Variants in SAMTOR observed in about 807,000 individuals in gnomAD.
The protein encoded by SAMTOR is S-adenosylmethionine sensor upstream of mTORC1.
chr7:112,843,977 T>C, the SAMTOR span, among the ~76,000 whole-genome samples: 4 of 152,028 alleles, frequency 2.6e-5, no homozygotes, highest in African/African-American at 9.7e-5. Flanking sequence ...GTTCAACATA[T>C]GCAAATCAAT....
chr7:112,900,484 G>A, the SAMTOR span, among the ~76,000 whole-genome samples: 4 of 152,128 alleles, frequency 2.6e-5, no homozygotes, highest in Non-Finnish European at 4.4e-5. Context: ...AAACACCCTC[G>A]CAGACACACC....
At chr7:112,891,080 C>T in the SAMTOR span, among the ~76,000 whole-genome samples, 1 of 151,780 alleles carries the variant, frequency 6.6e-6, no homozygotes, top group African/African-American at 2.4e-5. Flanking sequence ...GGAATCTCAA[C>T]AATATAACAG....
chr7:112,836,686 G>C, the SAMTOR span, among the ~76,000 whole-genome samples: 1 of 151,762 alleles, frequency 6.6e-6, no homozygotes, highest in Non-Finnish European at 1.5e-5. Context: ...TCTGCATATG[G>C]CTAGTTATCC....
At chr7:112,830,390 T>C in the SAMTOR span, among the ~76,000 whole-genome samples, 4 of 152,316 alleles carry the variant, frequency 2.6e-5, no homozygotes, top group African/African-American at 7.2e-5. Flanking sequence ...ACTGTGAAAC[T>C]CTGATTCTAC....
At chr7:112,824,061 C>CTTTA in the SAMTOR span, among the ~76,000 whole-genome samples, 58,763 of 151,574 alleles carry the variant, frequency 0.39, 13,551 homozygotes, top group African/African-American at 0.65. Flanking sequence ...TTTGAGAGTT[C>CTTTA]TTTATTCTTG....
chr7:112,939,504 G>A, the SAMTOR span: 2 of 1,591,942 alleles, frequency 1.3e-6, no homozygotes, highest in Non-Finnish European at 1.7e-6. Flanking sequence ...ACATTTTAAT[G>A]GTGGCCTCTT....
chr7:112,926,864 ATATATT>A, the SAMTOR span, among the ~76,000 whole-genome samples: 1 of 152,132 alleles, frequency 6.6e-6, no homozygotes, highest in Non-Finnish European at 1.5e-5. Flanking sequence ...CTTTTATTTC[ATATATT>A]TATAAAATAA....
the SAMTOR span, among the ~76,000 whole-genome samples, chr7:112,837,402 T>C: frequency 0.011 from 1,738 of 152,072 alleles, 34 homozygotes; most frequent in African/African-American, 0.039. Context: ...TGGACTTCTC[T>C]GCTTCTATTT....
At chr7:112,874,643 C>T in the SAMTOR span, among the ~76,000 whole-genome samples, 16 of 152,158 alleles carry the variant, frequency 1.1e-4, no homozygotes, top group South Asian at 3.3e-3. Context: ...AATAAAGCAA[C>T]CAAGAGTAAT....
the SAMTOR span, chr7:112,821,962 A>G: frequency 6.2e-7 from 1 of 1,613,288 alleles, no homozygotes; most frequent in South Asian, 1.1e-5. Flanking sequence ...ATTCCTGGGT[A>G]GTTCCTACTA....
At chr7:112,919,277 A>G in the SAMTOR span, among the ~76,000 whole-genome samples, 3 of 152,212 alleles carry the variant, frequency 2.0e-5, no homozygotes, top group African/African-American at 7.2e-5. Flanking sequence ...TCAAACTAGA[A>G]CTCAGGATTA....
chr7:112,849,046 C>CT, the SAMTOR span, among the ~76,000 whole-genome samples: 12 of 110,992 alleles, frequency 1.1e-4, no homozygotes, highest in African/African-American at 6.0e-4. Context: ...AAGACTCCAT[C>CT]TAAAAAAAAA....
At chr7:112,852,083 TC>T in the SAMTOR span, among the ~76,000 whole-genome samples, 4 of 152,150 alleles carry the variant, frequency 2.6e-5, no homozygotes, top group Non-Finnish European at 5.9e-5. Context: ...TAACTACCAT[TC>T]AATCTAGCAA....
the SAMTOR span, among the ~76,000 whole-genome samples, chr7:112,935,948 T>G: frequency 3.9e-5 from 6 of 152,218 alleles, no homozygotes; most frequent in Admixed American, 2.6e-4. Context: ...AGTTCTTGAT[T>G]TGATACATAT....
chr7:112,918,241 C>T, the SAMTOR span, among the ~76,000 whole-genome samples: 5 of 152,140 alleles, frequency 3.3e-5, no homozygotes, highest in Non-Finnish European at 5.9e-5. Context: ...AGACTAACAG[C>T]GGATCTCTCG....
chr7:112,827,631 T>C, the SAMTOR span, among the ~76,000 whole-genome samples: 1 of 152,244 alleles, frequency 6.6e-6, no homozygotes, highest in African/African-American at 2.4e-5. Flanking sequence ...TCCTCCCATA[T>C]ATTTTAAGTC....
At chr7:112,902,462 C>CAAAAA in the SAMTOR span, among the ~76,000 whole-genome samples, 377 of 83,540 alleles carry the variant, frequency 4.5e-3, 1 homozygote, top group East Asian at 0.013. Context: ...AAAAAAAAAC[C>CAAAAA]AAAAAAGTTG....
At chr7:112,906,709 C>T in the SAMTOR span, among the ~76,000 whole-genome samples, 1 of 151,800 alleles carries the variant, frequency 6.6e-6, no homozygotes, top group Non-Finnish European at 1.5e-5. Flanking sequence ...GTAGCTGGGA[C>T]TACAGGTGCA....
the SAMTOR span, among the ~76,000 whole-genome samples, chr7:112,914,049 C>T: frequency 6.6e-6 from 1 of 152,056 alleles, no homozygotes; most frequent in South Asian, 2.1e-4. Flanking sequence ...AGTAGACAAT[C>T]ACTAAATATT....
Sources: allele counts gnomAD v4.1 joint callset (sites outside exome capture counted in the v4.1 genomes callset), GRCh38; gene constraint gnomAD v4.1.1; transcripts MANE v1.5; gene names NCBI Gene and HGNC (gene_info 2026-07-23, HGNC 2026-07-21).